FHIT: variants seen among roughly 807,000 people sequenced by gnomAD.
FHIT encodes the protein bis(5'-adenosyl)-triphosphatase.
A neutral mutation model predicts 17.9 loss-of-function variants in FHIT; 19 were observed. The ratio of observed to expected loss-of-function variants is 1.06; its 90% CI spans 0.74 to 1.56. FHIT has a LOEUF of 1.56. Ranked by LOEUF, FHIT falls within the 40% of genes most tolerant of loss-of-function variation. The pLI, the probability that FHIT is intolerant of heterozygous loss-of-function variation, is 0.00. For synonymous variants in FHIT, 81 were observed against 69.7 expected, an observed-to-expected ratio of 1.16 and a Z score of -0.81; for missense variants, 248 against 189.2, an observed-to-expected ratio of 1.31 and a Z score of -1.82.
intron 4 of FHIT, among the ~76,000 whole-genome samples, chr3:60,687,616 G>C (rs943264943): frequency 1.3e-5 from 2 of 151,722 alleles, no homozygotes; most frequent in South Asian, 4.2e-4. Context: ...ATGCTTCATG[G>C]CTCCTTAAAA....
intron 5 of FHIT, among the ~76,000 whole-genome samples, chr3:60,096,038 T>A (rs1703933904): frequency 6.6e-6 from 1 of 152,194 alleles, no homozygotes; most frequent in Admixed American, 6.5e-5. Context: ...GGATTTTTTC[T>A]TGATCACTTT....
At chr3:59,830,825 C>T (rs750260377) in intron 8 of FHIT, among the ~76,000 whole-genome samples, 5 of 152,202 alleles carry the variant, frequency 3.3e-5, no homozygotes, top group African/African-American at 4.8e-5. Context: ...TTGTGCACAG[C>T]AGCCAACCTG....
At position 60,424,473 on chromosome 3, in the gene FHIT, C is replaced by T. The variant is rs1486446526; in HGVS notation, c.103+112387G>A. Among the ~76,000 whole-genome samples, 15 of 152,102 alleles carry T rather than the reference C, an allele frequency of 9.9e-5. 1 individual carries two copies. The highest frequency in any genetic ancestry group is 9.2e-4 in the Admixed American group (14 of 15,264). On this transcript the variant is annotated intron_variant, in intron 5 of 9. Coordinates refer to ENST00000492590, the MANE Select transcript of FHIT (RefSeq NM_002012.4). ...AAAGCTAAAGTCAGAAATGCATCTC[C>T]ACTCTGTCCTGTCTGGTCATCTTTA...
chr3:59,866,919 C>T (rs182860683), intron 8 of FHIT, among the ~76,000 whole-genome samples: 1 of 151,814 alleles, frequency 6.6e-6, no homozygotes, highest in Non-Finnish European at 1.5e-5. Flanking sequence ...CACCGCTGCT[C>T]GGCTTCTTTT....
At chr3:60,693,298 T>G (rs1559644552) in intron 4 of FHIT, among the ~76,000 whole-genome samples, 1 of 152,232 alleles carries the variant, frequency 6.6e-6, no homozygotes, top group Admixed American at 6.5e-5. Flanking sequence ...TTTTTCTAAC[T>G]GTAAAAATGT....
intron 2 of FHIT, among the ~76,000 whole-genome samples, chr3:61,109,052 G>A (rs2036076418): frequency 6.6e-6 from 1 of 152,178 alleles, no homozygotes; most frequent in Non-Finnish European, 1.5e-5. Context: ...ATCACACTAA[G>A]TCCTAAATGA....
intron 8 of FHIT, among the ~76,000 whole-genome samples, chr3:59,755,699 G>A (rs1040718642): frequency 3.3e-5 from 5 of 152,170 alleles, no homozygotes; most frequent in Non-Finnish European, 2.9e-5. Flanking sequence ...TTCTCCTGGG[G>A]CACCCAGGTA....
chr3:60,756,907 T>G (rs927301256), intron 4 of FHIT, among the ~76,000 whole-genome samples: 6 of 152,130 alleles, frequency 3.9e-5, no homozygotes, highest in African/African-American at 1.4e-4. Context: ...GTCAGCTGCA[T>G]GTAATTAGCT....
chr3:60,096,318 C>T (rs1703946619), intron 5 of FHIT, among the ~76,000 whole-genome samples: 1 of 152,180 alleles, frequency 6.6e-6, no homozygotes, highest in Admixed American at 6.5e-5. Flanking sequence ...AAAGTCCACC[C>T]AATTTGTCTG....
chr3:60,571,964 G>A (rs1476442796), intron 4 of FHIT, among the ~76,000 whole-genome samples: 1 of 152,100 alleles, frequency 6.6e-6, no homozygotes, highest in African/African-American at 2.4e-5. Context: ...TTTGGTCATT[G>A]CTTTTTATTT....
At chr3:60,385,141 T>C (rs1012099534) in intron 5 of FHIT, among the ~76,000 whole-genome samples, 16 of 152,230 alleles carry the variant, frequency 1.1e-4, no homozygotes, top group Non-Finnish European at 2.2e-4. Flanking sequence ...TGTCCCACTC[T>C]GAATTCTACT....
intron 5 of FHIT, chr3:60,080,763 A>C (rs887542698): frequency 6.6e-6 from 1 of 152,166 alleles, no homozygotes; most frequent in African/African-American, 2.4e-5. Flanking sequence ...ATAGCACCAC[A>C]GCTCAGGAGG....
chr3:61,163,384 C>T (rs544213997), intron 2 of FHIT, among the ~76,000 whole-genome samples: 2 of 152,336 alleles, frequency 1.3e-5, no homozygotes, highest in South Asian at 4.1e-4. Flanking sequence ...TCCGGTTTTA[C>T]ATACCATTGC....
intron 5 of FHIT, among the ~76,000 whole-genome samples, chr3:60,174,752 A>G (rs190508535): frequency 2.4e-4 from 37 of 152,256 alleles, no homozygotes; most frequent in African/African-American, 8.4e-4. Flanking sequence ...AATTATGTCT[A>G]TCTAGTTCCA....
At chr3:60,459,719 C>T (rs575380027) in intron 5 of FHIT, among the ~76,000 whole-genome samples, 13 of 152,172 alleles carry the variant, frequency 8.5e-5, no homozygotes, top group Non-Finnish European at 1.5e-4. Flanking sequence ...AGTCAGTAGG[C>T]TGAGCATGAA....
intron 8 of FHIT, among the ~76,000 whole-genome samples, chr3:59,763,211 A>C (rs1701616141): frequency 6.6e-6 from 1 of 152,234 alleles, no homozygotes; most frequent in Non-Finnish European, 1.5e-5. Context: ...CTTCTGCTAC[A>C]TATGGCTTCT....
intron 8 of FHIT, among the ~76,000 whole-genome samples, chr3:59,865,601 G>A (rs1702608949): frequency 6.6e-6 from 1 of 152,204 alleles, no homozygotes. Flanking sequence ...GGACATAAAA[G>A]GGAACAGATC....
At chr3:60,229,102 T>A (rs914607830) in intron 5 of FHIT, among the ~76,000 whole-genome samples, 1 of 152,098 alleles carries the variant, frequency 6.6e-6, no homozygotes, top group African/African-American at 2.4e-5. Context: ...TTGCAGAAAC[T>A]CAGGGACAGT....
chr3:60,221,024 C>T (rs1207658859), intron 5 of FHIT, among the ~76,000 whole-genome samples: 1 of 152,102 alleles, frequency 6.6e-6, no homozygotes, highest in African/African-American at 2.4e-5. Flanking sequence ...CATGAATTAA[C>T]AATAACACAT....
Sources: gnomAD v4.1 joint callset for allele counts (sites outside exome capture counted in the v4.1 genomes callset) on GRCh38, gnomAD v4.1.1 for gene constraint, MANE v1.5 for transcripts, NCBI Gene and HGNC (gene_info 2026-07-23, HGNC 2026-07-21) for gene names.